PIGK: variants seen among roughly 807,000 people sequenced by gnomAD.
PIGK encodes GPI-anchor transamidase.
Under a neutral mutation model 50.6 loss-of-function variants are expected in PIGK, and 42 were observed. The ratio of observed to expected loss-of-function variants is 0.83; its 90% CI spans 0.65 to 1.07. The LOEUF is 1.07. Ranked by LOEUF, PIGK falls within the 50% of genes least tolerant of loss-of-function variation. The probability of loss-of-function intolerance (pLI) is 0.00; values close to 1 mark genes in which losing one functional copy is unlikely to be tolerated. For synonymous variants in PIGK, 151 were observed against 156.0 expected, an observed-to-expected ratio of 0.97 and a Z score of 0.24; for missense variants, 448 against 488.7, an observed-to-expected ratio of 0.92 and a Z score of 0.78.
intron 3 of PIGK, among the ~76,000 whole-genome samples, chr1:77,180,157 T>C (rs900965727): frequency 2.0e-5 from 3 of 152,190 alleles, no homozygotes; most frequent in Non-Finnish European, 2.9e-5. Context: ...GTTGTTTTTA[T>C]AGTTTGGCAA....
At chr1:77,122,782 T>C (rs111682848) in intron 9 of PIGK, among the ~76,000 whole-genome samples, 1,981 of 152,312 alleles carry the variant, frequency 0.013, 50 homozygotes, top group African/African-American at 0.045. Flanking sequence ...CCAAACCCCA[T>C]TGGGACTTGC....
intron 3 of PIGK, among the ~76,000 whole-genome samples, chr1:77,173,074 G>T (rs902604360): frequency 9.9e-5 from 15 of 152,188 alleles, no homozygotes; most frequent in Admixed American, 9.8e-4. Context: ...TGGTAAAAAT[G>T]AGATTCTTAA....
chr1:77,154,848 CTG>C (rs970131529), intron 8 of PIGK, among the ~76,000 whole-genome samples: 1 of 152,122 alleles, frequency 6.6e-6, no homozygotes, highest in Non-Finnish European at 1.5e-5. Context: ...TAGCTGGCCA[CTG>C]TGGGAAAAGG....
At position 77,107,747 on chromosome 1, in the gene PIGK, G is replaced by A. The variant is rs1360891524; in HGVS notation, c.1071+14528C>T. Among the ~76,000 whole-genome samples the A allele has an allele frequency of 2.0e-5, 3 of 152,054 alleles. 1 individual carries two copies. Among genetic ancestry groups the A allele is most frequent in the African/African-American group, 4.8e-5 (2 of 41,390 alleles). On this transcript the variant is annotated intron_variant, in intron 10 of 10. Transcript: ENST00000370812. ...CTAAGTCTCTTTGTAGGTCTCTAAC[G>A]ACTTGCTTTATGAATCTGGGTGCTC... is the stretch of plus-strand genomic sequence containing the variant.
At chr1:77,195,977 A>G (rs915959783) in intron 3 of PIGK, among the ~76,000 whole-genome samples, 2 of 151,950 alleles carry the variant, frequency 1.3e-5, no homozygotes, top group African/African-American at 2.4e-5. Flanking sequence ...AGCCTTTGCC[A>G]TTCCCCCCAA....
At chr1:77,216,540 G>A (rs1371117608) in intron 1 of PIGK, among the ~76,000 whole-genome samples, 5 of 152,170 alleles carry the variant, frequency 3.3e-5, no homozygotes, top group Non-Finnish European at 7.4e-5. Context: ...ACTATAATGG[G>A]TTGTCTATTG....
At chr1:77,124,797 G>A (rs993259520) in intron 9 of PIGK, among the ~76,000 whole-genome samples, 1 of 152,082 alleles carries the variant, frequency 6.6e-6, no homozygotes, top group Non-Finnish European at 1.5e-5. Flanking sequence ...TATTAAGAAT[G>A]CATAAATACA....
intron 9 of PIGK, among the ~76,000 whole-genome samples, chr1:77,140,191 C>G (rs967057389): frequency 4.6e-5 from 7 of 151,886 alleles, no homozygotes; most frequent in Non-Finnish European, 8.8e-5. Flanking sequence ...TGAGTGAGTT[C>G]CCGCAAGATA....
At chr1:77,118,101 C>T (rs1473256810) in intron 10 of PIGK, among the ~76,000 whole-genome samples, 1 of 152,150 alleles carries the variant, frequency 6.6e-6, no homozygotes, top group Non-Finnish European at 1.5e-5. Flanking sequence ...GCTATTTCAA[C>T]TTTTGAGGCA....
At chr1:77,116,579 TGTGTGTGTGTGTGTGTGC>T (rs1557796654) in intron 10 of PIGK, among the ~76,000 whole-genome samples, 3 of 117,266 alleles carry the variant, frequency 2.6e-5, no homozygotes, top group African/African-American at 1.4e-4. Flanking sequence ...TGTGTGTGTG[TGTGTGTGTGTGTGTGTGC>T]GCGTGTGTGT....
At chr1:77,181,126 A>G (rs1655604747) in intron 3 of PIGK, among the ~76,000 whole-genome samples, 1 of 152,170 alleles carries the variant, frequency 6.6e-6, no homozygotes, top group Non-Finnish European at 1.5e-5. Context: ...AGTAGTCAGG[A>G]AGCCCAATCT....
chr1:77,131,683 G>A (rs779840956), intron 9 of PIGK, among the ~76,000 whole-genome samples: 10 of 151,900 alleles, frequency 6.6e-5, no homozygotes, highest in Non-Finnish European at 1.3e-4. Context: ...CTCATTTAAT[G>A]TATTGATATG....
intron 9 of PIGK, among the ~76,000 whole-genome samples, chr1:77,127,323 C>T (rs1209937593): frequency 6.6e-6 from 1 of 152,134 alleles, no homozygotes; most frequent in Admixed American, 6.5e-5. Flanking sequence ...TTTACTGTGT[C>T]CACACAGAAG....
intron 9 of PIGK, among the ~76,000 whole-genome samples, chr1:77,144,658 C>A (rs1026362932): frequency 6.6e-6 from 1 of 151,712 alleles, no homozygotes; most frequent in African/African-American, 2.4e-5. Context: ...TCAATAGACG[C>A]TTTTGTTAAT....
chr1:77,206,156 G>A (rs1483366138), intron 3 of PIGK, among the ~76,000 whole-genome samples: 1 of 152,156 alleles, frequency 6.6e-6, no homozygotes, highest in Non-Finnish European at 1.5e-5. Context: ...CTAGGCTTCA[G>A]CAATTTGCAG....
chr1:77,196,583 C>A (rs1321391691), intron 3 of PIGK, among the ~76,000 whole-genome samples: 2 of 151,846 alleles, frequency 1.3e-5, no homozygotes, highest in Non-Finnish European at 2.9e-5. Flanking sequence ...TGTTGAGCAC[C>A]TTTTCATGTT....
intron 10 of PIGK, among the ~76,000 whole-genome samples, chr1:77,098,267 G>C (rs1280742166): frequency 6.6e-6 from 1 of 151,940 alleles, no homozygotes; most frequent in African/African-American, 2.4e-5. Flanking sequence ...TAAAATGTAG[G>C]AGAATCTGTA....
At chr1:77,196,406 T>A (rs1226320823) in intron 3 of PIGK, among the ~76,000 whole-genome samples, 1 of 152,204 alleles carries the variant, frequency 6.6e-6, no homozygotes, top group Non-Finnish European at 1.5e-5. Context: ...CAAACTACTT[T>A]CCACCGTAAC....
chr1:77,127,458 G>C (rs839836), intron 9 of PIGK, among the ~76,000 whole-genome samples: 1,656 of 152,228 alleles, frequency 0.011, 25 homozygotes, highest in African/African-American at 0.038. Flanking sequence ...CAGCTACGTG[G>C]GAGATTGAGG....
Sources: allele counts gnomAD v4.1 joint callset (sites outside exome capture counted in the v4.1 genomes callset), GRCh38; gene constraint gnomAD v4.1.1; transcripts MANE v1.5; gene names NCBI Gene and HGNC (gene_info 2026-07-23, HGNC 2026-07-21).